Variants in KSR1 observed in about 807,000 individuals in gnomAD.
KSR1 encodes the protein kinase suppressor of ras.
Under a neutral mutation model 92.9 loss-of-function variants are expected in KSR1, and 35 were observed. The observed-to-expected ratio is 0.38, with a 90% CI of 0.29 to 0.50. The LOEUF (loss-of-function observed/expected upper bound fraction) is 0.50, where lower values mean the gene tolerates loss of function less well. Among genes scored for constraint, KSR1 ranks in the 20% least tolerant of loss-of-function variants. KSR1 has a pLI of 0.94. For missense variants in KSR1, 972 were observed against 1,158.5 expected (o/e 0.84, Z 2.34); for synonymous variants, 467 against 472.6 (o/e 0.99, Z 0.15).
At chr17:27,621,876 T>G in intron 20 of KSR1, 1 of 1,600,858 alleles carries the variant, frequency 6.2e-7, no homozygotes, top group Non-Finnish European at 8.6e-7. Flanking sequence ...AGGCTCTGCA[T>G]TGGGGCTATG....
At chr17:27,531,757 C>G (rs949647805) in intron 1 of KSR1, among the ~76,000 whole-genome samples, 1 of 152,232 alleles carries the variant, frequency 6.6e-6, no homozygotes, top group Non-Finnish European at 1.5e-5. Flanking sequence ...GGTGGAGTAA[C>G]ATTGCCTAGG....
At chr17:27,611,319 C>G in intron 17 of KSR1, 175 bp from the exon 18 acceptor site, 3 of 689,026 alleles carry the variant, frequency 4.4e-6, no homozygotes, top group South Asian at 2.0e-5. Context: ...GGGCCCAGGT[C>G]CTCTAGGGCT....
intron 1 of KSR1, among the ~76,000 whole-genome samples, chr17:27,474,037 T>C (rs1367557599): frequency 6.6e-6 from 1 of 152,214 alleles, no homozygotes; most frequent in Non-Finnish European, 1.5e-5. Flanking sequence ...ATCGGCCATG[T>C]GTCTAGAGGA....
At chr17:27,510,664 C>G (rs8075860) in intron 1 of KSR1, among the ~76,000 whole-genome samples, 72,853 of 152,088 alleles carry the variant, frequency 0.48, 18,972 homozygotes, top group East Asian at 0.69. Flanking sequence ...TGAGGCTGCA[C>G]TGCCGTCCGT....
At chr17:27,598,567 C>T (rs2073429142) in intron 10 of KSR1, among the ~76,000 whole-genome samples, 2 of 152,240 alleles carry the variant, frequency 1.3e-5, no homozygotes, top group Non-Finnish European at 2.9e-5. Flanking sequence ...CCTCCCCTCC[C>T]TGCATTGAGT....
At chr17:27,571,268 C>G (rs1461008642) in intron 2 of KSR1, among the ~76,000 whole-genome samples, 1 of 152,238 alleles carries the variant, frequency 6.6e-6, no homozygotes, top group Non-Finnish European at 1.5e-5. Flanking sequence ...TGGAGGCTGC[C>G]TGACCTGGGC....
chr17:27,510,287 C>G lies in KSR1; in HGVS notation c.232-40281C>G, dbSNP rs188208868. ...CTGCCCCACCAGGGCTCTTCCTGAC[C>G]GTGGTTATCCCAGTGACCTCTGGCA... is the stretch of plus-strand genomic sequence containing the variant. On this transcript the variant is annotated intron_variant, in intron 1 of 20. Transcript: ENST00000644974. Among the ~76,000 whole-genome samples, 799 of 152,338 alleles carry G rather than the reference C, an allele frequency of 5.2e-3. 10 individuals carry two copies. Among genetic ancestry groups the G allele is most frequent in the Non-Finnish European group, 6.1e-3 (417 of 68,034 alleles).
At chr17:27,479,822 G>A (rs2068459049) in intron 1 of KSR1, among the ~76,000 whole-genome samples, 1 of 152,154 alleles carries the variant, frequency 6.6e-6, no homozygotes, top group Admixed American at 6.5e-5. Context: ...AACAGGTGCT[G>A]TGGCATGAGA....
At chr17:27,551,066 A>T (rs1022994605) in intron 2 of KSR1, among the ~76,000 whole-genome samples, 13 of 152,260 alleles carry the variant, frequency 8.5e-5, no homozygotes, top group Non-Finnish European at 1.9e-4. Context: ...AACTCCTATA[A>T]GGAAATTACT....
chr17:27,620,358 A>G (rs2074190718), intron 19 of KSR1, among the ~76,000 whole-genome samples: 1 of 152,218 alleles, frequency 6.6e-6, no homozygotes, highest in African/African-American at 2.4e-5. Context: ...TCCACCAGCA[A>G]GGAGATTGCA....
rs2073503946 is a variant in KSR1, at chr17:27,600,184, C to T, written c.1469-1176C>T. Among the ~76,000 whole-genome samples, 2 of 151,360 alleles carry T rather than the reference C, an allele frequency of 1.3e-5. 1 individual carries two copies. Among genetic ancestry groups the T allele is most frequent in the Non-Finnish European group, 2.9e-5 (2 of 67,910 alleles). ...ATGTGGTGGCTCACGCCTGTAATCC[C>T]AGCACTTTGGGAGGCCAAGGTGGGC... On this transcript the variant is annotated intron_variant, in intron 10 of 20. Transcript: ENST00000644974.
In KSR1 at chr17:27,592,499, G is replaced by T. The variant is rs765913237; in HGVS notation, c.1193-21G>T. On this transcript the variant is annotated intron_variant, in intron 8 of 20. Coordinates refer to ENST00000644974, the MANE Select transcript of KSR1 (RefSeq NM_001394583.1). ...AGCTTGACCTGTTCCCTGGTGATGG[G>T]TTTTCCCTCTTTTCAAACAGTAACT... 1.5e-5 allele frequency: 24 copies of T among 1,613,660 alleles called. No individual in the cohort carries two copies. In the South Asian group the frequency reaches 2.4e-4, roughly 16 times the overall value.
chr17:27,474,442 G>C (rs1266003907), intron 1 of KSR1, among the ~76,000 whole-genome samples: 3 of 152,218 alleles, frequency 2.0e-5, no homozygotes. Flanking sequence ...TAAGAGCACA[G>C]GTTCTGGTGG....
intron 2 of KSR1, among the ~76,000 whole-genome samples, chr17:27,551,986 T>G (rs938423945): frequency 1.3e-5 from 2 of 152,220 alleles, no homozygotes; most frequent in East Asian, 3.8e-4. Flanking sequence ...TCGCCTCTGT[T>G]TGCTCACCTT....
chr17:27,581,569 AG>A (rs942090859), intron 3 of KSR1, among the ~76,000 whole-genome samples: 3 of 151,964 alleles, frequency 2.0e-5, no homozygotes, highest in Non-Finnish European at 2.9e-5. Flanking sequence ...ATGTGGAGCT[AG>A]CTTCATAGGT....
chr17:27,610,690 T>G (rs949655530), intron 17 of KSR1, among the ~76,000 whole-genome samples: 1 of 152,250 alleles, frequency 6.6e-6, no homozygotes, highest in Non-Finnish European at 1.5e-5. Flanking sequence ...TGAAATTAGT[T>G]TCCCCTGTTT....
In KSR1 at chr17:27,566,736, C is replaced by T. The variant is rs1273373193; in HGVS notation, c.373-10756C>T. Among the ~76,000 whole-genome samples the T allele has an allele frequency of 2.0e-5, 3 of 152,234 alleles. No individual in the cohort carries two copies. The East Asian group carries it at 5.8e-4, about 29-fold the overall frequency. On this transcript the variant is annotated intron_variant, in intron 2 of 20. Transcript: ENST00000644974. ...CTTGTTTCATGACTTCATTCGCTGTCTTCTGTGTGATAAAGTCACTGGGGA... is the reference window on the plus strand; with the variant it reads ...CTTGTTTCATGACTTCATTCGCTGTTTTCTGTGTGATAAAGTCACTGGGGA...
At chr17:27,490,635 G>T (rs936992280) in intron 1 of KSR1, among the ~76,000 whole-genome samples, 21 of 152,316 alleles carry the variant, frequency 1.4e-4, no homozygotes, top group Admixed American at 4.6e-4. Flanking sequence ...CCAGGGAGCA[G>T]TTTGCAACTC....
chr17:27,583,898 T>C, intron 4 of KSR1: 1 of 770,912 alleles, frequency 1.3e-6, no homozygotes, highest in African/African-American at 1.9e-5. Context: ...TACCCCACCA[T>C]TTTTATTCAG....
Sources: gnomAD v4.1 joint callset for allele counts (sites outside exome capture counted in the v4.1 genomes callset) on GRCh38, gnomAD v4.1.1 for gene constraint, MANE v1.5 for transcripts, NCBI Gene and HGNC (gene_info 2026-07-23, HGNC 2026-07-21) for gene names.